The following ANK3 variants were observed in gnomAD, a reference collection of about 807,000 sequenced individuals.
ANK3 encodes the protein ankyrin 3.
A neutral mutation model predicts 370.9 loss-of-function variants in ANK3; 57 were observed. The ratio of observed to expected loss-of-function variants is 0.15; its 90% CI spans 0.12 to 0.19. The LOEUF (loss-of-function observed/expected upper bound fraction) is 0.19. Among genes scored for constraint, ANK3 ranks in the 10% least tolerant of loss-of-function variants. ANK3 has a pLI of 1.00. For synonymous variants in ANK3, 1,929 were observed against 1,946.3 expected (o/e 0.99, Z 0.23); for missense variants, 4,439 against 5,302.1 (o/e 0.84, Z 5.06).
intron 2 of ANK3, among the ~76,000 whole-genome samples, chr10:60,425,378 A>G (rs1011325066): frequency 1.1e-4 from 16 of 152,142 alleles, no homozygotes; most frequent in Non-Finnish European, 1.8e-4. Context: ...AAGTATTCGG[A>G]AGAAATATTG....
intron 1 of ANK3, among the ~76,000 whole-genome samples, chr10:60,305,853 G>C (rs2044926433): frequency 6.6e-6 from 1 of 152,206 alleles, no homozygotes; most frequent in Admixed American, 6.5e-5. Flanking sequence ...GGGGAGGCTG[G>C]TGGAGCCTGA....
chr10:60,194,447 T>G (rs1052546837), intron 16 of ANK3, among the ~76,000 whole-genome samples: 5 of 152,198 alleles, frequency 3.3e-5, no homozygotes, highest in African/African-American at 9.6e-5. Context: ...TCCACCATCC[T>G]CTGTCTGTCT....
intron 24 of ANK3, among the ~76,000 whole-genome samples, chr10:60,137,696 C>T (rs1264486402): frequency 2.6e-5 from 4 of 151,884 alleles, no homozygotes; most frequent in South Asian, 2.1e-4. Flanking sequence ...AAATACAGTG[C>T]GATATTCTGG....
At chr10:60,358,130 ACACACACACACACC>A (rs1181195961) in intron 1 of ANK3, among the ~76,000 whole-genome samples, 24 of 138,694 alleles carry the variant, frequency 1.7e-4, no homozygotes, top group South Asian at 1.7e-3. Flanking sequence ...AAACACACAC[ACACACACACACACC>A]CAAAACTTCT....
At chr10:60,197,658 T>A (rs1299148568) in intron 14 of ANK3, among the ~76,000 whole-genome samples, 1 of 152,236 alleles carries the variant, frequency 6.6e-6, no homozygotes, top group African/African-American at 2.4e-5. Context: ...TGATTACACA[T>A]TAATCTTTCT....
At chr10:60,562,206 T>C (rs1430517976) in intron 2 of ANK3, among the ~76,000 whole-genome samples, 1 of 152,206 alleles carries the variant, frequency 6.6e-6, no homozygotes, top group East Asian at 1.9e-4. Context: ...AAGTGAAAGA[T>C]GAAAGTTTTA....
intron 1 of ANK3, among the ~76,000 whole-genome samples, chr10:60,382,737 G>A (rs971790737): frequency 8.0e-5 from 12 of 150,034 alleles, no homozygotes; most frequent in African/African-American, 2.4e-4. Context: ...TGAATTATGT[G>A]ACTGACAATA....
At chr10:60,583,576 GCGCTCC>G (rs2077788356) in intron 2 of ANK3, among the ~76,000 whole-genome samples, 2 of 146,428 alleles carry the variant, frequency 1.4e-5, no homozygotes, top group South Asian at 2.2e-4. Context: ...GAGTGCAGTG[GCGCTCC>G]AGTTCTGTCA....
intron 23 of ANK3, among the ~76,000 whole-genome samples, chr10:60,165,302 A>C (rs2095598226): frequency 6.6e-6 from 1 of 152,224 alleles, no homozygotes; most frequent in African/African-American, 2.4e-5. Flanking sequence ...GAAGGCAATG[A>C]AATATAATAT....
At chr10:60,511,818 C>A (rs2076089335) in intron 2 of ANK3, among the ~76,000 whole-genome samples, 1 of 149,928 alleles carries the variant, frequency 6.7e-6, no homozygotes. Context: ...GGAGAGGAGA[C>A]TTTGCAAATT....
At chr10:60,271,315 C>T (rs566504033) in intron 4 of ANK3, among the ~76,000 whole-genome samples, 14 of 152,100 alleles carry the variant, frequency 9.2e-5, no homozygotes, top group Non-Finnish European at 1.6e-4. Context: ...AACGATCCTT[C>T]TGCCTCAGCT....
intron 1 of ANK3, among the ~76,000 whole-genome samples, chr10:60,650,112 T>C (rs1218532363): frequency 6.6e-6 from 1 of 152,234 alleles, no homozygotes. Flanking sequence ...ATCATCGAGT[T>C]ATCTGTTACA....
intron 1 of ANK3, among the ~76,000 whole-genome samples, chr10:60,710,188 G>C (rs143148637): frequency 0.01 from 1,562 of 152,250 alleles, 28 homozygotes; most frequent in African/African-American, 0.036. Flanking sequence ...CAATTTACTG[G>C]AGAGATGAAC....
At chr10:60,260,673 A>C (rs571277223) in intron 7 of ANK3, among the ~76,000 whole-genome samples, 12 of 152,236 alleles carry the variant, frequency 7.9e-5, no homozygotes, top group African/African-American at 2.4e-4. Context: ...TGTCCTTGTG[A>C]TAGTGAGGGA....
At chr10:60,490,751 T>C (rs2075475947) in intron 2 of ANK3, among the ~76,000 whole-genome samples, 1 of 152,196 alleles carries the variant, frequency 6.6e-6, no homozygotes, top group South Asian at 2.1e-4. Flanking sequence ...GGCTCCCACT[T>C]CCCTTGCTAT....
chr10:60,377,725 CA>C (rs747007242), intron 1 of ANK3, among the ~76,000 whole-genome samples: 8 of 152,084 alleles, frequency 5.3e-5, no homozygotes, highest in Non-Finnish European at 8.8e-5. Flanking sequence ...GAATAAAGGC[CA>C]GGGGCAGGGT....
chr10:60,141,559 CTGT>C (rs2094556359), intron 23 of ANK3, among the ~76,000 whole-genome samples: 1 of 61,164 alleles, frequency 1.6e-5, no homozygotes, highest in African/African-American at 7.9e-5. Flanking sequence ...ATTTCAATTG[CTGT>C]TTTTTTTTTT....
In ANK3 at chr10:60,075,700, T is replaced by A. The variant is rs2083637634; in HGVS notation, c.5181A>T (p.Ser1727=). Residue 1727 remains serine (S), a synonymous_variant, in exon 37 of 44, where the codon TCA becomes TCT. Coordinates refer to ENST00000280772, the MANE Select transcript of ANK3 (RefSeq NM_020987.5). ...NGSISPLKYP[S]SSTLINGCKA... is the part of the protein sequence containing the mutation. ...TGCATCCATTAATTAAAGTTGAGGA[T>A]GATGGATATTTTAGAGGGGAAATAG... is the stretch of plus-strand genomic sequence containing the variant. The A allele has an allele frequency of 6.2e-7, 1 of 1,613,972 alleles. No individual in the cohort carries two copies. Among genetic ancestry groups the A allele is most frequent in the Non-Finnish European group, 8.5e-7 (1 of 1,179,994 alleles).
In ANK3 at chr10:60,083,628, A is replaced by T; in HGVS notation, c.4075-11T>A. On this transcript the variant is annotated splice_polypyrimidine_tract_variant and intron_variant, in intron 32 of 43. Transcript: ENST00000280772. ...TTTTCCTTCCAGAACCTTTTAGAGT[A>T]AAAGAAATAAACAATTTAATGTTAA... is the stretch of plus-strand genomic sequence containing the variant. The T allele has an allele frequency of 6.4e-7, 1 of 1,568,862 alleles. No homozygotes were observed. The highest frequency in any genetic ancestry group is 8.6e-7 in the Non-Finnish European group (1 of 1,156,494).
Sources: allele counts gnomAD v4.1 joint callset (sites outside exome capture counted in the v4.1 genomes callset), GRCh38; gene constraint gnomAD v4.1.1; transcripts MANE v1.5; gene names NCBI Gene and HGNC (gene_info 2026-07-23, HGNC 2026-07-21).